The following CSMD1 variants were observed in gnomAD, a reference collection of about 807,000 sequenced individuals.
CSMD1 encodes the protein CUB and sushi domain-containing protein 1.
A neutral mutation model predicts 417.5 loss-of-function variants in CSMD1; 213 were observed. That is an observed-to-expected ratio of 0.51 (90% CI 0.46 to 0.57). CSMD1 has a LOEUF of 0.57. Ranked by LOEUF, CSMD1 falls within the 20% of genes least tolerant of loss-of-function variation. The probability of loss-of-function intolerance (pLI) is 0.00; values close to 1 mark genes in which losing one functional copy is unlikely to be tolerated. For synonymous variants in CSMD1, 2,862 were observed against 1,736.8 expected (o/e 1.65, Z -16.11); for missense variants, 6,923 against 4,529.7 (o/e 1.53, Z -15.17).
chr8:4,652,414 G>A (rs1199189529), intron 1 of CSMD1, among the ~76,000 whole-genome samples: 1 of 152,050 alleles, frequency 6.6e-6, no homozygotes, highest in East Asian at 1.9e-4. Flanking sequence ...TGCTTTGGGA[G>A]GAAGTGGGAA....
intron 26 of CSMD1, among the ~76,000 whole-genome samples, chr8:3,272,046 G>T (rs62505049): frequency 2.5e-4 from 38 of 150,592 alleles, no homozygotes; most frequent in African/African-American, 8.3e-4. Flanking sequence ...TTTTCTTCTA[G>T]GGTTTTTATG....
chr8:4,135,784 G>T (rs1156839166), intron 3 of CSMD1, among the ~76,000 whole-genome samples: 1 of 152,006 alleles, frequency 6.6e-6, no homozygotes, highest in African/African-American at 2.4e-5. Flanking sequence ...ATTAATGATA[G>T]GAATAAAAAT....
chr8:2,956,966 A>G (rs891284047), intron 63 of CSMD1, among the ~76,000 whole-genome samples: 1 of 151,880 alleles, frequency 6.6e-6, no homozygotes, highest in African/African-American at 2.4e-5. Context: ...TTTTAAAATA[A>G]ATACACCCAA....
intron 3 of CSMD1, among the ~76,000 whole-genome samples, chr8:4,310,416 G>T (rs369706472): frequency 1.3e-5 from 2 of 152,166 alleles, no homozygotes; most frequent in African/African-American, 4.8e-5. Context: ...TAAACATTTT[G>T]GTATTCAACA....
intron 3 of CSMD1, among the ~76,000 whole-genome samples, chr8:4,390,735 G>C (rs143052792): frequency 0.016 from 2,475 of 151,730 alleles, 38 homozygotes; most frequent in African/African-American, 0.05. Flanking sequence ...GGATGGTCTC[G>C]ATCTTCTGAC....
At chr8:4,302,561 G>A (rs772949148) in intron 3 of CSMD1, among the ~76,000 whole-genome samples, 3 of 152,108 alleles carry the variant, frequency 2.0e-5, no homozygotes, top group African/African-American at 4.8e-5. Flanking sequence ...TCAGGTTTCC[G>A]CCTCTCTCTC....
intron 1 of CSMD1, among the ~76,000 whole-genome samples, chr8:4,643,905 T>A (rs1232402272): frequency 6.6e-6 from 1 of 152,210 alleles, no homozygotes; most frequent in Non-Finnish European, 1.5e-5. Flanking sequence ...TAGGAGGCTT[T>A]GAAAGCCTGA....
intron 1 of CSMD1, among the ~76,000 whole-genome samples, chr8:4,815,713 A>G (rs979409146): frequency 4.0e-5 from 6 of 151,348 alleles, no homozygotes; most frequent in Non-Finnish European, 8.9e-5. Flanking sequence ...AAAAAAAAAA[A>G]AAAAAGAAGA....
At chr8:4,841,803 C>T (rs752110090) in intron 1 of CSMD1, among the ~76,000 whole-genome samples, 4 of 143,388 alleles carry the variant, frequency 2.8e-5, no homozygotes, top group East Asian at 4.4e-4. Flanking sequence ...CCTAGCTACT[C>T]GGGAGGCTGA....
chr8:3,349,390 G>C (rs534515771), intron 21 of CSMD1, among the ~76,000 whole-genome samples: 8 of 152,138 alleles, frequency 5.3e-5, no homozygotes, highest in African/African-American at 9.7e-5. Flanking sequence ...TTGCCCCCCA[G>C]TGATTTGTGC....
chr8:4,615,042 G>A (rs189054930), intron 2 of CSMD1, among the ~76,000 whole-genome samples: 10 of 152,138 alleles, frequency 6.6e-5, no homozygotes, highest in Non-Finnish European at 1.0e-4. Flanking sequence ...GTTATTTTCA[G>A]ATGAGAAAGG....
chr8:3,429,799 C>G (rs1230065686), intron 12 of CSMD1, among the ~76,000 whole-genome samples: 1 of 151,988 alleles, frequency 6.6e-6, no homozygotes, highest in Non-Finnish European at 1.5e-5. Context: ...TATACCTTAC[C>G]TATAATAAAT....
At chr8:3,637,667 T>C (rs1401307993) in intron 7 of CSMD1, among the ~76,000 whole-genome samples, 2 of 152,178 alleles carry the variant, frequency 1.3e-5, no homozygotes, top group East Asian at 1.9e-4. Flanking sequence ...CCAACAATCA[T>C]ATGAAACAGG....
At chr8:3,344,534 G>A (rs1470654589) in intron 22 of CSMD1, among the ~76,000 whole-genome samples, 5 of 152,146 alleles carry the variant, frequency 3.3e-5, no homozygotes. Flanking sequence ...GGTGGGCACG[G>A]CTAATCCACC....
intron 3 of CSMD1, among the ~76,000 whole-genome samples, chr8:4,234,809 G>A (rs564180061): frequency 1.1e-4 from 17 of 152,250 alleles, no homozygotes; most frequent in Admixed American, 2.6e-4. Flanking sequence ...AGAAACTGGT[G>A]GTTGGAGAGA....
chr8:4,791,423 G>A (rs188953537), intron 1 of CSMD1, among the ~76,000 whole-genome samples: 531 of 152,196 alleles, frequency 3.5e-3, no homozygotes, highest in Non-Finnish European at 5.3e-3. Context: ...TTGTGGGTGG[G>A]ACCCCATCCC....
chr8:4,293,260 C>G (rs1275150086), intron 3 of CSMD1, among the ~76,000 whole-genome samples: 1 of 152,130 alleles, frequency 6.6e-6, no homozygotes, highest in East Asian at 1.9e-4. Flanking sequence ...CGTGGAGAGA[C>G]ACAACAAGGA....
At chr8:4,826,630 T>C (rs995520696) in intron 1 of CSMD1, among the ~76,000 whole-genome samples, 4 of 152,132 alleles carry the variant, frequency 2.6e-5, no homozygotes, top group East Asian at 1.9e-4. Context: ...TTGGGAGAAA[T>C]TGCTGCAGGC....
chr8:3,854,029 T>C (rs948086591), intron 5 of CSMD1, among the ~76,000 whole-genome samples: 1 of 145,754 alleles, frequency 6.9e-6, no homozygotes, highest in Non-Finnish European at 1.5e-5. Flanking sequence ...TATAAATATA[T>C]TAAATATAAT....
Sources: allele counts gnomAD v4.1 joint callset (sites outside exome capture counted in the v4.1 genomes callset), GRCh38; gene constraint gnomAD v4.1.1; transcripts MANE v1.5; gene names NCBI Gene and HGNC (gene_info 2026-07-23, HGNC 2026-07-21).